GRIN2A: variants seen among roughly 807,000 people sequenced by gnomAD.
The protein encoded by GRIN2A is glutamate ionotropic receptor NMDA type subunit 2A.
GRIN2A carries 22 observed loss-of-function variants against 113.4 expected under a neutral mutation model. The observed-to-expected ratio is 0.19, with a 90% CI of 0.14 to 0.28. The LOEUF (loss-of-function observed/expected upper bound fraction) is 0.28, where lower values mean the gene tolerates loss of function less well. Among genes scored for constraint, GRIN2A ranks in the 10% least tolerant of loss-of-function variants. The probability of loss-of-function intolerance (pLI) is 1.00; values close to 1 mark genes in which losing one functional copy is unlikely to be tolerated. For synonymous variants in GRIN2A, 827 were observed against 738.4 expected, an observed-to-expected ratio of 1.12 and a Z score of -1.94; for missense variants, 1,502 against 1,887.0, an observed-to-expected ratio of 0.80 and a Z score of 3.78.
chr16:9,794,223 C>T (rs955133375), intron 11 of GRIN2A, among the ~76,000 whole-genome samples: 8 of 152,216 alleles, frequency 5.3e-5, no homozygotes, highest in Non-Finnish European at 1.2e-4. Flanking sequence ...TAGGGAAATG[C>T]ATGGCAGGCT....
chr16:10,007,595 C>G lies in GRIN2A; in HGVS notation c.415-69044G>C, dbSNP rs151283079. ...ATTCTTTGGGTTGTCTCTTCGCTTT[C>G]TTGACCGTTTGCTGTGCAGAAGTTT... On this transcript the variant is annotated intron_variant, in intron 2 of 12. Coordinates refer to ENST00000330684, the MANE Select transcript of GRIN2A (RefSeq NM_001134407.3). Among the ~76,000 whole-genome samples, 240 of 152,208 alleles carry G rather than the reference C, an allele frequency of 1.6e-3. 3 individuals are homozygous for G. The highest frequency in any genetic ancestry group is 5.7e-3 in the African/African-American group (235 of 41,534).
chr16:10,065,705 G>A (rs2047635782), intron 2 of GRIN2A, among the ~76,000 whole-genome samples: 1 of 152,170 alleles, frequency 6.6e-6, no homozygotes, highest in Non-Finnish European at 1.5e-5. Context: ...AATTATGGAA[G>A]AGCTCATTGG....
At position 9,757,236 on chromosome 16, in the gene GRIN2A, G is replaced by A. The variant is rs999469020; in HGVS notation, c.*5913C>T. 4 of 219,094 alleles carry A rather than the reference G, an allele frequency of 1.8e-5. No homozygotes were observed. Among genetic ancestry groups the A allele is most frequent in the African/African-American group, 9.0e-5 (4 of 44,514 alleles). 13.6% of individuals were successfully genotyped at this position (219,094 alleles called of 1,614,324 possible). A position where few individuals can be genotyped will look rare whatever the true frequency, so the allele number is the denominator to read the frequency against. ...TGCAAAAATGTAGGAGTGTGAGTGT[G>A]TTCACCTGGTTAGCAGCTCCTGGGT... On this transcript the variant is annotated 3_prime_UTR_variant, in exon 13 of 13. Coordinates refer to ENST00000330684, the MANE Select transcript of GRIN2A (RefSeq NM_001134407.3).
intron 2 of GRIN2A, among the ~76,000 whole-genome samples, chr16:9,963,523 C>T (rs1185500701): frequency 2.0e-5 from 3 of 151,952 alleles, no homozygotes; most frequent in Non-Finnish European, 4.4e-5. Context: ...TGAGTGAAAA[C>T]ATGTGGTGTT....
chr16:9,881,277 G>A (rs572441683), intron 4 of GRIN2A, among the ~76,000 whole-genome samples: 103 of 152,262 alleles, frequency 6.8e-4, no homozygotes, highest in African/African-American at 2.3e-3. Flanking sequence ...CTTTTCCTCT[G>A]TAGTTTCTCC....
intron 3 of GRIN2A, among the ~76,000 whole-genome samples, chr16:9,903,385 T>C (rs2043971492): frequency 6.6e-6 from 1 of 152,206 alleles, no homozygotes; most frequent in African/African-American, 2.4e-5. Context: ...AAAGGTCAGA[T>C]CTTCCCTTCT....
rs1388106159 is a variant in GRIN2A, at chr16:9,891,236, T to A, written c.1008-136A>T. The A allele has an allele frequency of 5.8e-6, 4 of 688,970 alleles. No individual in the cohort carries two copies. The Admixed American group carries it at 8.2e-5, about 14-fold the overall frequency. 42.7% of individuals were successfully genotyped at this position (688,970 alleles called of 1,614,324 possible). On this transcript the variant is annotated intron_variant, in intron 3 of 12. Coordinates refer to ENST00000330684, the MANE Select transcript of GRIN2A (RefSeq NM_001134407.3). ...CTATATTCATCACAAGAAGCCTCTC[T>A]GCAGAAGTATTAATAACCATGCAAC...
chr16:9,863,696 T>C (rs1348064209), intron 4 of GRIN2A, among the ~76,000 whole-genome samples: 1 of 152,234 alleles, frequency 6.6e-6, no homozygotes, highest in African/African-American at 2.4e-5. Flanking sequence ...GACTTCTCCC[T>C]TGCCTCTGTG....
intron 2 of GRIN2A, 113 bp downstream of exon 2, chr16:10,179,885 C>A: frequency 1.6e-6 from 1 of 631,074 alleles, no homozygotes; most frequent in Non-Finnish European, 2.8e-6. Context: ...CCCTCCCACC[C>A]CCACCCCCAC....
chr16:10,120,600 G>A (rs969771816), intron 2 of GRIN2A, among the ~76,000 whole-genome samples: 1 of 151,970 alleles, frequency 6.6e-6, no homozygotes, highest in Non-Finnish European at 1.5e-5. Flanking sequence ...AATATACAAG[G>A]GGGGTGGATG....
chr16:9,980,254 CAGAG>C (rs889711345), intron 2 of GRIN2A, among the ~76,000 whole-genome samples: 83 of 149,778 alleles, frequency 5.5e-4, no homozygotes, highest in African/African-American at 1.8e-3. Context: ...GCCTGGACAA[CAGAG>C]ACTGTCTCAA....
At chr16:9,856,722 T>A (rs940492214) in intron 4 of GRIN2A, among the ~76,000 whole-genome samples, 1 of 151,788 alleles carries the variant, frequency 6.6e-6, no homozygotes, top group African/African-American at 2.4e-5. Context: ...ATCCTAAAAA[T>A]AGATACATGA....
At chr16:10,039,808 G>GGGGAGAGAGAGAGAGAGAGAGA (rs1555469298) in intron 2 of GRIN2A, among the ~76,000 whole-genome samples, 4 of 63,810 alleles carry the variant, frequency 6.3e-5, no homozygotes, top group Non-Finnish European at 1.2e-4. Flanking sequence ...GGGAGGGGGG[G>GGGGAGAGAGAGAGAGAGAGAGA]GAGAAAGAGA....
chr16:9,941,848 A>G (rs1043524861), intron 2 of GRIN2A, among the ~76,000 whole-genome samples: 1 of 152,148 alleles, frequency 6.6e-6, no homozygotes, highest in Non-Finnish European at 1.5e-5. Flanking sequence ...CACCTTATTA[A>G]GTTGGCACTA....
chr16:9,853,095 A>T (rs1003179246), intron 4 of GRIN2A, among the ~76,000 whole-genome samples: 9 of 152,220 alleles, frequency 5.9e-5, no homozygotes, highest in African/African-American at 2.2e-4. Context: ...AGGAGGTGAC[A>T]CTTAAGCTGA....
At chr16:9,897,515 T>C (rs1310900710) in intron 3 of GRIN2A, among the ~76,000 whole-genome samples, 1 of 152,202 alleles carries the variant, frequency 6.6e-6, no homozygotes, top group Non-Finnish European at 1.5e-5. Context: ...ATTGAGCATT[T>C]GAAATGTGGT....
At chr16:9,992,192 G>A (rs1047212742) in intron 2 of GRIN2A, among the ~76,000 whole-genome samples, 3 of 152,092 alleles carry the variant, frequency 2.0e-5, no homozygotes, top group Non-Finnish European at 1.5e-5. Flanking sequence ...TTTATCCAAT[G>A]ATCCGTTCAT....
Position 10,111,729 on chromosome 16 carries a change from G to A in GRIN2A, c.414+68269C>T, listed in dbSNP as rs568408546. The stretch of plus-strand genomic sequence containing the variant: ...AGAAGTTTGAACAGGGCTTCATCAC[G>A]GACCCCGTGGTGCTGAGCCCCTCAC... On this transcript the variant is annotated intron_variant, in intron 2 of 12. Transcript: ENST00000330684. 47 of 1,534,400 alleles carry A rather than the reference G, an allele frequency of 3.1e-5. No individual in the cohort carries two copies. The African/African-American group carries it at 3.3e-4, about 11-fold the overall frequency.
intron 2 of GRIN2A, among the ~76,000 whole-genome samples, chr16:10,005,026 C>T (rs570012252): frequency 1.2e-4 from 18 of 152,042 alleles, no homozygotes; most frequent in Non-Finnish European, 2.2e-4. Context: ...AAAAGTAAAA[C>T]GAAAATTTAT....
Sources: allele counts gnomAD v4.1 joint callset (sites outside exome capture counted in the v4.1 genomes callset), GRCh38; gene constraint gnomAD v4.1.1; transcripts MANE v1.5; gene names NCBI Gene and HGNC (gene_info 2026-07-23, HGNC 2026-07-21).